Variants in DOCK8 observed in about 807,000 individuals in gnomAD.
DOCK8 encodes the protein dedicator of cytokinesis 8.
Under a neutral mutation model 245.6 loss-of-function variants are expected in DOCK8, and 141 were observed. The observed-to-expected ratio is 0.57, with a 90% CI of 0.50 to 0.66. DOCK8 has a LOEUF of 0.66. Among genes scored for constraint, DOCK8 ranks in the 30% least tolerant of loss-of-function variants. The pLI is 0.00. For missense variants in DOCK8, 2,965 were observed against 2,603.4 expected, an observed-to-expected ratio of 1.14 and a Z score of -3.02; for synonymous variants, 1,168 against 970.2, an observed-to-expected ratio of 1.20 and a Z score of -3.79.
At chr9:287,310 C>G (rs1256595460) in intron 3 of DOCK8, among the ~76,000 whole-genome samples, 1 of 152,104 alleles carries the variant, frequency 6.6e-6, no homozygotes, top group African/African-American at 2.4e-5. Flanking sequence ...TGGCATCAAA[C>G]TAACTGTGGA....
chr9:400,012 A>ACCACC (rs1564011425), intron 26 of DOCK8, among the ~76,000 whole-genome samples: 1 of 94,014 alleles, frequency 1.1e-5, no homozygotes, highest in Non-Finnish European at 2.2e-5. Context: ...CACCTCCACC[A>ACCACC]TCACCACCAC....
Position 465,227 on chromosome 9 carries a change from T to A in DOCK8, c.*1008T>A, listed in dbSNP as rs2057933345. 6.6e-6 allele frequency: 1 copy of A among 152,658 alleles called. No individual in the cohort carries two copies. Among genetic ancestry groups the A allele is most frequent in the Admixed American group, 6.5e-5 (1 of 15,286 alleles). 9.5% of individuals were successfully genotyped at this position (152,658 alleles called of 1,614,324 possible). On this transcript the variant is annotated 3_prime_UTR_variant, in exon 48 of 48. Transcript: ENST00000432829. ...ATATGACTGTGACCTTGACTGATAA[T>A]AAAGATGTAATAAGAATTGCAAGCT... is the stretch of plus-strand genomic sequence containing the variant.
chr9:282,788 G>A (rs2048647103), intron 2 of DOCK8, among the ~76,000 whole-genome samples: 1 of 152,090 alleles, frequency 6.6e-6, no homozygotes, highest in Non-Finnish European at 1.5e-5. Flanking sequence ...GCACACAAAT[G>A]TCATATCTCC....
At chr9:301,560 T>C (rs2049546909) in intron 4 of DOCK8, among the ~76,000 whole-genome samples, 1 of 152,234 alleles carries the variant, frequency 6.6e-6, no homozygotes, top group Non-Finnish European at 1.5e-5. Flanking sequence ...AAACTAGCTC[T>C]GTCACAGTGC....
chr9:400,897 C>CA (rs2054994563), intron 26 of DOCK8, among the ~76,000 whole-genome samples: 2 of 121,568 alleles, frequency 1.6e-5, no homozygotes, highest in East Asian at 2.9e-4. Context: ...CCACCACCTC[C>CA]CCCACTACCA....
chr9:400,052 TCAC>T, intron 26 of DOCK8, among the ~76,000 whole-genome samples: 1 of 33,104 alleles, frequency 3.0e-5, no homozygotes, highest in Non-Finnish European at 5.4e-5. Flanking sequence ...ACCTCCACCA[TCAC>T]CACCTCCTTC....
At chr9:376,384 T>C in intron 19 of DOCK8, 79 bp downstream of exon 19, 1 of 999,318 alleles carries the variant, frequency 1.0e-6, no homozygotes, top group Non-Finnish European at 1.6e-6. Context: ...AAAAGATCAG[T>C]GAAAATCCTT....
intron 20 of DOCK8, among the ~76,000 whole-genome samples, chr9:379,303 T>A (rs1314742901): frequency 2.0e-5 from 3 of 152,134 alleles, no homozygotes; most frequent in African/African-American, 7.2e-5. Context: ...TGTACAAGAA[T>A]CAGGGTTGTG....
chr9:414,992 C>A, intron 29 of DOCK8, 41 bp downstream of exon 29: 1 of 1,610,884 alleles, frequency 6.2e-7, no homozygotes, highest in African/African-American at 1.3e-5. Context: ...TGTTGGGGGC[C>A]CCTGCCAAAT....
At chr9:425,473 G>A (rs150104459) in intron 33 of DOCK8, among the ~76,000 whole-genome samples, 2,074 of 150,280 alleles carry the variant, frequency 0.014, 20 homozygotes, top group South Asian at 0.033. Flanking sequence ...TGGAGCTTGC[G>A]GTGAGCCAAG....
At chr9:244,191 A>G (rs2047448558) in intron 1 of DOCK8, among the ~76,000 whole-genome samples, 2 of 150,278 alleles carry the variant, frequency 1.3e-5, no homozygotes, top group East Asian at 3.9e-4. Context: ...CCGTCTGAAA[A>G]AAAAAAAAAA....
At chr9:318,792 C>G (rs1359983239) in intron 7 of DOCK8, among the ~76,000 whole-genome samples, 2 of 152,150 alleles carry the variant, frequency 1.3e-5, no homozygotes, top group Non-Finnish European at 2.9e-5. Flanking sequence ...GTTTAGGAAG[C>G]CTTCGCTATT....
At chr9:263,357 C>A (rs150729088) in intron 1 of DOCK8, among the ~76,000 whole-genome samples, 279 of 152,088 alleles carry the variant, frequency 1.8e-3, no homozygotes, top group African/African-American at 6.3e-3. Flanking sequence ...TTAATTAGTA[C>A]TTTTACCATT....
chr9:260,312 T>C (rs2047888007), intron 1 of DOCK8, among the ~76,000 whole-genome samples: 1 of 152,186 alleles, frequency 6.6e-6, no homozygotes. Context: ...GGATTAACTT[T>C]ACTAGATAGC....
chr9:336,034 G>C (rs375264196), intron 11 of DOCK8, among the ~76,000 whole-genome samples: 9 of 152,318 alleles, frequency 5.9e-5, no homozygotes, highest in African/African-American at 2.2e-4. Context: ...GTCTGAGTGT[G>C]ATTTGGGGTT....
At chr9:235,621 G>C (rs997576913) in intron 1 of DOCK8, among the ~76,000 whole-genome samples, 1 of 152,172 alleles carries the variant, frequency 6.6e-6, no homozygotes, top group Non-Finnish European at 1.5e-5. Context: ...CCCTCCCCAA[G>C]CCTCGCTGCC....
At chr9:220,451 G>A (rs565744555) in intron 1 of DOCK8, among the ~76,000 whole-genome samples, 4 of 152,102 alleles carry the variant, frequency 2.6e-5, no homozygotes, top group Non-Finnish European at 5.9e-5. Flanking sequence ...GAACTCAGGG[G>A]ACCAAGTCTC....
intron 24 of DOCK8, among the ~76,000 whole-genome samples, chr9:396,487 T>C (rs1160236709): frequency 6.6e-6 from 1 of 152,194 alleles, no homozygotes; most frequent in Non-Finnish European, 1.5e-5. Flanking sequence ...CCTTCCAGGA[T>C]GTAGGCAGTT....
chr9:342,882 A>G (rs1563943381), intron 14 of DOCK8, among the ~76,000 whole-genome samples: 2 of 152,194 alleles, frequency 1.3e-5, no homozygotes, highest in Non-Finnish European at 2.9e-5. Context: ...TACAAACACT[A>G]TGAAGTAAGA....
Sources: gnomAD v4.1 joint callset for allele counts (sites outside exome capture counted in the v4.1 genomes callset) on GRCh38, gnomAD v4.1.1 for gene constraint, MANE v1.5 for transcripts, NCBI Gene and HGNC (gene_info 2026-07-23, HGNC 2026-07-21) for gene names.